The following CCDC192 variants were observed in gnomAD, a reference collection of about 807,000 sequenced individuals.
CCDC192 encodes the protein coiled-coil domain containing 192, also known as coiled-coil domain-containing protein 192.
chr5:127,897,759 G>T (rs1209080181), intron 6 of CCDC192, among the ~76,000 whole-genome samples: 1 of 151,804 alleles, frequency 6.6e-6, no homozygotes, highest in Non-Finnish European at 1.5e-5. Context: ...GTTTATGAAA[G>T]CACTTTTGAA....
At chr5:127,727,367 G>A (rs1354380796) in intron 2 of CCDC192, among the ~76,000 whole-genome samples, 1 of 152,126 alleles carries the variant, frequency 6.6e-6, no homozygotes, top group Non-Finnish European at 1.5e-5. Context: ...AGCTACTCAG[G>A]AGGCTGAAGC....
chr5:127,835,315 G>T (rs1270176063), intron 5 of CCDC192, among the ~76,000 whole-genome samples: 4 of 152,202 alleles, frequency 2.6e-5, no homozygotes, highest in Admixed American at 1.3e-4. Flanking sequence ...AAATCTGAAA[G>T]ATTTCCCAAA....
chr5:127,720,708 A>C (rs1416909908), intron 2 of CCDC192, among the ~76,000 whole-genome samples: 1 of 152,174 alleles, frequency 6.6e-6, no homozygotes, highest in African/African-American at 2.4e-5. Context: ...AGGCCTTTCC[A>C]TACATTCCTT....
Position 127,799,061 on chromosome 5 carries a change from AT to A in CCDC192, c.411+900del, listed in dbSNP as rs554834678. ...TGCCATCCTTTTGGTCATCTTTTTC[AT>A]CCACATCTTGGCTGCTATGGAATGA... On this transcript the variant is annotated intron_variant, in intron 5 of 6. Transcript: ENST00000514853. Among the ~76,000 whole-genome samples the A allele has an allele frequency of 2.9e-3, 444 of 152,196 alleles. 1 individual carries two copies. The Middle Eastern group carries it at 0.034, about 12-fold the overall frequency.
intron 3 of CCDC192, among the ~76,000 whole-genome samples, chr5:127,774,400 C>T (rs1208945585): frequency 2.0e-5 from 3 of 152,132 alleles, no homozygotes; most frequent in Admixed American, 6.6e-5. Context: ...ATATTTAGGT[C>T]GTTGATCTAG....
rs143714539 is a variant in CCDC192 at position 127,872,252 on chromosome 5, T to G, written c.412-3286T>G. 3.1e-3 allele frequency among the ~76,000 whole-genome samples: 477 copies of G among 152,346 alleles called. 1 individual carries two copies. Among genetic ancestry groups the G allele is most frequent in the African/African-American group, 0.011 (457 of 41,578 alleles). Reference sequence around the variant, plus strand: ...ATGTTAGACAGCCAATCTAAGTCTTTTATCCAATTTTTAATTTAAATTTCA... The same window carrying G: ...ATGTTAGACAGCCAATCTAAGTCTTGTATCCAATTTTTAATTTAAATTTCA... On this transcript the variant is annotated intron_variant, in intron 5 of 6. Transcript: ENST00000514853.
intron 2 of CCDC192, among the ~76,000 whole-genome samples, chr5:127,744,111 G>A (rs77914650): frequency 4.4e-4 from 59 of 133,896 alleles, no homozygotes; most frequent in African/African-American, 8.8e-4. Flanking sequence ...AAAAAAAAAG[G>A]AAAAAAAAAA....
intron 2 of CCDC192, chr5:127,740,367 T>G (rs1580569534): frequency 6.6e-6 from 1 of 152,204 alleles, no homozygotes; most frequent in Admixed American, 6.5e-5. Flanking sequence ...AGTATTAGAA[T>G]GTACTATGGA....
intron 6 of CCDC192, among the ~76,000 whole-genome samples, chr5:127,919,075 G>A (rs1035705721): frequency 1.6e-5 from 2 of 123,002 alleles, no homozygotes; most frequent in African/African-American, 2.8e-5. Flanking sequence ...GTGTATATAT[G>A]TGTGTGTGTG....
intron 5 of CCDC192, among the ~76,000 whole-genome samples, chr5:127,846,662 G>T (rs1298410401): frequency 1.3e-5 from 2 of 151,682 alleles, no homozygotes; most frequent in Non-Finnish European, 2.9e-5. Context: ...TAGAAACAGG[G>T]TTTCATCATG....
At chr5:127,795,766 A>AT (rs766650113) in intron 3 of CCDC192, among the ~76,000 whole-genome samples, 39 of 151,934 alleles carry the variant, frequency 2.6e-4, no homozygotes, top group Admixed American at 1.6e-3. Flanking sequence ...CAAAATTGAG[A>AT]TTTTTTTTAA....
At chr5:127,926,207 C>T (rs1753859052) in intron 6 of CCDC192, among the ~76,000 whole-genome samples, 1 of 152,158 alleles carries the variant, frequency 6.6e-6, no homozygotes, top group Admixed American at 6.5e-5. Flanking sequence ...GGTGCATACT[C>T]CTAAGTTAGG....
At chr5:127,851,648 G>A (rs550816276) in intron 5 of CCDC192, among the ~76,000 whole-genome samples, 13 of 152,282 alleles carry the variant, frequency 8.5e-5, no homozygotes, top group African/African-American at 3.1e-4. Flanking sequence ...AGTAGAGACA[G>A]GATTTCACCA....
At chr5:127,916,889 C>T (rs1015722136) in intron 6 of CCDC192, among the ~76,000 whole-genome samples, 3 of 152,184 alleles carry the variant, frequency 2.0e-5, no homozygotes, top group Non-Finnish European at 4.4e-5. Flanking sequence ...GTTGTATTAG[C>T]TCCTAACAAG....
chr5:127,806,406 A>G (rs1046416974), intron 5 of CCDC192, among the ~76,000 whole-genome samples: 2 of 151,990 alleles, frequency 1.3e-5, no homozygotes, highest in Non-Finnish European at 2.9e-5. Flanking sequence ...AATTCCTGCC[A>G]CACCCCCCAC....
At chr5:127,871,984 T>G (rs922049362) in intron 5 of CCDC192, among the ~76,000 whole-genome samples, 1 of 152,204 alleles carries the variant, frequency 6.6e-6, no homozygotes, top group Non-Finnish European at 1.5e-5. Flanking sequence ...AAGTATGACA[T>G]TTGGGTTGCC....
At chr5:127,790,070 T>C (rs7722425) in intron 3 of CCDC192, among the ~76,000 whole-genome samples, 21,705 of 152,214 alleles carry the variant, frequency 0.14, 3,591 homozygotes, top group African/African-American at 0.39. Context: ...AGCCACAGCA[T>C]GGATGGATCT....
chr5:127,781,898 C>T (rs1232357252), intron 3 of CCDC192, among the ~76,000 whole-genome samples: 1 of 152,154 alleles, frequency 6.6e-6, no homozygotes, highest in Non-Finnish European at 1.5e-5. Context: ...TGAGAATGGG[C>T]ATCCTTATCT....
At chr5:127,815,200 T>C (rs1431121150) in intron 5 of CCDC192, among the ~76,000 whole-genome samples, 2 of 152,222 alleles carry the variant, frequency 1.3e-5, no homozygotes, top group African/African-American at 2.4e-5. Context: ...CTGGGAGCTA[T>C]TGTACACATC....
Sources: gnomAD v4.1 joint callset for allele counts (sites outside exome capture counted in the v4.1 genomes callset) on GRCh38, gnomAD v4.1.1 for gene constraint, MANE v1.5 for transcripts, NCBI Gene and HGNC (gene_info 2026-07-23, HGNC 2026-07-21) for gene names.